The following THOC1 variants were observed in gnomAD, a reference collection of about 807,000 sequenced individuals.
THOC1 encodes the protein THO complex subunit 1.
THOC1 carries 29 observed loss-of-function variants against 97.3 expected under a neutral mutation model. The ratio of observed to expected loss-of-function variants is 0.30; its 90% CI spans 0.22 to 0.41. The LOEUF (loss-of-function observed/expected upper bound fraction) is 0.41. Ranked by LOEUF, THOC1 falls within the 10% of genes least tolerant of loss-of-function variation. The probability of loss-of-function intolerance (pLI) is 1.00; values close to 1 mark genes in which losing one functional copy is unlikely to be tolerated. For missense variants in THOC1, 529 were observed against 761.9 expected (o/e 0.69, Z 3.60); for synonymous variants, 255 against 257.0 (o/e 0.99, Z 0.07).
intron 11 of THOC1, among the ~76,000 whole-genome samples, chr18:231,075 TTG>T (rs1187450858): frequency 1.3e-5 from 2 of 152,274 alleles, no homozygotes; most frequent in African/African-American, 4.8e-5. Context: ...GTAAATGTCT[TTG>T]TATCTTGAGC....
At chr18:220,033 A>G (rs1284545995) in intron 17 of THOC1, among the ~76,000 whole-genome samples, 4 of 152,220 alleles carry the variant, frequency 2.6e-5, no homozygotes, top group Non-Finnish European at 5.9e-5. Flanking sequence ...AACTAGGAAA[A>G]TGGGCTCTTT....
At position 242,371 on chromosome 18, in the gene THOC1, G is replaced by T. The variant is rs948327616; in HGVS notation, c.918+3953C>A. Among the ~76,000 whole-genome samples, 1 of 151,852 alleles carries T rather than the reference G, an allele frequency of 6.6e-6. No individual in the cohort carries two copies. Among genetic ancestry groups the T allele is most frequent in the Non-Finnish European group, 1.5e-5 (1 of 67,964 alleles). ...TGGGCGCCTGTAATCCCAGCTACTT[G>T]GGAGGCTGAGGCACGAGAATCGCTT... On this transcript the variant is annotated intron_variant, in intron 11 of 20. Coordinates refer to ENST00000261600, the MANE Select transcript of THOC1 (RefSeq NM_005131.3). This position sits in a 1 kb window ranked among gnomAD's most constrained non-coding sequence, Gnocchi z 4.5.
rs776650841 is a variant in THOC1 at position 265,342 on chromosome 18, G to A, written c.150C>T (p.Thr50=). The change falls in exon 3 of 21, where the codon ACC becomes ACT. Residue 50 remains threonine, a synonymous_variant. Coordinates refer to ENST00000261600, the MANE Select transcript of THOC1 (RefSeq NM_005131.3). ...VPGSENEKKC[T]LDQAFRGILE... is the part of the protein sequence containing the mutation. The stretch of plus-strand genomic sequence containing the variant: ...GAATACCTCTGAAAGCTTGGTCAAG[G>A]GTACATTTTTTTTCATTTTCACTAT... The A allele has an allele frequency of 6.2e-7, 1 of 1,604,764 alleles. No homozygotes were observed.
intron 19 of THOC1, 127 bp from the exon 20 acceptor site, chr18:215,631 C>G: frequency 1.5e-6 from 1 of 674,142 alleles, no homozygotes; most frequent in Non-Finnish European, 2.6e-6. Flanking sequence ...CCCCTGAGAG[C>G]GTTAAATGAC....
In THOC1 at chr18:223,612, T is replaced by C. The variant is rs941362901; in HGVS notation, c.1305-107A>G. Reference sequence around the variant, plus strand: ...AATGTAAACAGTGGATTTGGGGATGTTGACAGTATGAGTTTTACTTTTCTC... The same window carrying C: ...AATGTAAACAGTGGATTTGGGGATGCTGACAGTATGAGTTTTACTTTTCTC... On this transcript the variant is annotated intron_variant, in intron 16 of 20. Transcript: ENST00000261600. 7.8e-5 allele frequency: 67 copies of C among 856,402 alleles called. No individual in the cohort carries two copies. In the African/African-American group the frequency reaches 9.9e-4, roughly 13 times the overall value. 53.1% of individuals were successfully genotyped at this position (856,402 alleles called of 1,614,324 possible).
chr18:252,752 AGTTAATCT>A (rs1912320964), intron 8 of THOC1, 140 bp from the exon 9 acceptor site: 1 of 678,578 alleles, frequency 1.5e-6, no homozygotes, highest in South Asian at 1.7e-5. Flanking sequence ...CTAGACCTAT[AGTTAATCT>A]GTAAGGCAAT....
chr18:223,520 CAG>C lies in THOC1; in HGVS notation c.1305-17_1305-16del, dbSNP rs1911163906. The C allele has an allele frequency of 1.3e-5, 20 of 1,548,150 alleles. No homozygotes were observed. Among genetic ancestry groups the C allele is most frequent in the Non-Finnish European group, 1.7e-5 (20 of 1,144,086 alleles). ...TTAACTCCTCACTACAAAATAGACACAGAAATAAATACATTTTTTATGGACAC... is the reference window on the plus strand; with the variant it reads ...TTAACTCCTCACTACAAAATAGACACAAATAAATACATTTTTTATGGACAC... On this transcript the variant is annotated splice_polypyrimidine_tract_variant and intron_variant, in intron 16 of 20. Transcript: ENST00000261600.
At chr18:240,181 A>G (rs1439720592) in intron 11 of THOC1, among the ~76,000 whole-genome samples, 1 of 152,202 alleles carries the variant, frequency 6.6e-6, no homozygotes, top group Non-Finnish European at 1.5e-5. Context: ...ATCTTATCAA[A>G]TAACTAGTCT....
rs570027288 is a variant in THOC1, at chr18:240,158, A to G, written c.918+6166T>C. Among the ~76,000 whole-genome samples, 5 of 152,254 alleles carry G rather than the reference A, an allele frequency of 3.3e-5. No individual in the cohort carries two copies. In the South Asian group the frequency reaches 8.3e-4, roughly 25 times the overall value. ...AGAAGGTTGGGTGACTTCTTATTCT[A>G]TCTCTGCTCTTTATCTTATCAAATA... On this transcript the variant is annotated intron_variant, in intron 11 of 20. Coordinates refer to ENST00000261600, the MANE Select transcript of THOC1 (RefSeq NM_005131.3).
chr18:234,730 T>G (rs1911612677), intron 11 of THOC1, among the ~76,000 whole-genome samples: 1 of 151,898 alleles, frequency 6.6e-6, no homozygotes, highest in Non-Finnish European at 1.5e-5. Context: ...TGAACCATAC[T>G]TACATTCCTA....
At chr18:244,839 C>T (rs1912032650) in intron 11 of THOC1, 1 of 151,930 alleles carries the variant, frequency 6.6e-6, no homozygotes, top group Admixed American at 6.6e-5. Context: ...TTCACCATGG[C>T]TTTTAACTGC....
chr18:246,473 T>C lies in THOC1; in HGVS notation c.787-18A>G. 1 of 1,558,188 alleles carries C rather than the reference T, an allele frequency of 6.4e-7. No homozygotes were observed. The highest frequency in any genetic ancestry group is 8.7e-7 in the Non-Finnish European group (1 of 1,151,076). On this transcript the variant is annotated intron_variant, in intron 10 of 20. Coordinates refer to ENST00000261600, the MANE Select transcript of THOC1 (RefSeq NM_005131.3). ...TCAGAATACTGCAAAATAAAAATAT[T>C]AGTTTTATTCGACATTGTTACCCAA...
intron 1 of THOC1, 88 bp from the exon 2 acceptor site, chr18:265,618 C>T: frequency 9.2e-7 from 1 of 1,083,056 alleles, no homozygotes; most frequent in Non-Finnish European, 1.3e-6. Context: ...GTGTATCTTA[C>T]TAACTAAAAA....
chr18:243,769 C>A (rs1427159141), intron 11 of THOC1, among the ~76,000 whole-genome samples: 1 of 152,102 alleles, frequency 6.6e-6, no homozygotes, highest in Admixed American at 6.5e-5. Context: ...TTTTCTTACA[C>A]ATGAAGTAGA....
chr18:259,415 C>A, intron 6 of THOC1, 140 bp from the exon 7 acceptor site: 1 of 724,760 alleles, frequency 1.4e-6, no homozygotes, highest in Non-Finnish European at 2.2e-6. Flanking sequence ...GAAACCACTG[C>A]CACAAAAAAG....
intron 11 of THOC1, chr18:244,984 A>C (rs1912039401): frequency 6.6e-6 from 1 of 152,022 alleles, no homozygotes; most frequent in Admixed American, 6.6e-5. Flanking sequence ...TTTTGGTTTC[A>C]ATTATTGTAT....
At position 267,953 on chromosome 18, in the gene THOC1, C is replaced by G; in HGVS notation, c.54+13G>C. On this transcript the variant is annotated intron_variant, in intron 1 of 20. Transcript: ENST00000261600. The stretch of plus-strand genomic sequence containing the variant: ...CGCCGGGTCAGGCCTGCACCCTCCC[C>G]TCTACAGCTCACCGTAAACCGCGTC... The G allele has an allele frequency of 2.5e-6, 4 of 1,610,858 alleles. No individual in the cohort carries two copies. The highest frequency in any genetic ancestry group is 2.5e-6 in the Non-Finnish European group (3 of 1,178,738).
intron 7 of THOC1, among the ~76,000 whole-genome samples, chr18:255,143 G>A (rs585793): frequency 0.17 from 25,407 of 152,080 alleles, 2,410 homozygotes; most frequent in Non-Finnish European, 0.23. Flanking sequence ...TCCCTGAGAC[G>A]AGACAATATT....
At chr18:250,998 T>C (rs1239079224) in intron 9 of THOC1, among the ~76,000 whole-genome samples, 1 of 150,988 alleles carries the variant, frequency 6.6e-6, no homozygotes, top group Non-Finnish European at 1.5e-5. Flanking sequence ...AATAGGTCTC[T>C]AAAAAAAAAT....
Sources: gnomAD v4.1 joint callset for allele counts (sites outside exome capture counted in the v4.1 genomes callset) on GRCh38, gnomAD v4.1.1 for gene constraint, Gnocchi (gnomAD v3.1) non-coding constraint, MANE v1.5 for transcripts, NCBI Gene and HGNC (gene_info 2026-07-23, HGNC 2026-07-21) for gene names.